Variants in TG observed in about 807,000 individuals in gnomAD.
TG encodes thyroid hormones.
TG carries 270 observed loss-of-function variants against 324.7 expected under a neutral mutation model. The observed-to-expected ratio is 0.83, with a 90% CI of 0.75 to 0.92. The LOEUF is 0.92. Among genes scored for constraint, TG ranks in the 40% least tolerant of loss-of-function variants. TG has a pLI of 0.00. For synonymous variants in TG, 1,401 were observed against 1,327.0 expected (o/e 1.06, Z -1.21); for missense variants, 3,591 against 3,456.4 (o/e 1.04, Z -0.98).
At chr8:132,963,686 T>G (rs145485126) in intron 29 of TG, among the ~76,000 whole-genome samples, 11 of 76,482 alleles carry the variant, frequency 1.4e-4, no homozygotes, top group Non-Finnish European at 2.3e-4. Context: ...TGTGTGTGTG[T>G]GTGTGTGTGT....
chr8:133,060,071 A>C, intron 41 of TG: 3 of 1,559,346 alleles, frequency 1.9e-6, no homozygotes, highest in Non-Finnish European at 1.7e-6. Flanking sequence ...GCACAGACTC[A>C]AGCATCTCAC....
At chr8:133,011,023 A>T (rs1231818425) in intron 35 of TG, among the ~76,000 whole-genome samples, 6 of 152,218 alleles carry the variant, frequency 3.9e-5, no homozygotes, top group Non-Finnish European at 5.9e-5. Context: ...AAGACGTCTT[A>T]GCTGGGGTTT....
In TG at chr8:132,948,766, T is replaced by C. The variant is rs4736614; in HGVS notation, c.5234-10T>C. On this transcript the variant is annotated splice_polypyrimidine_tract_variant and intron_variant, in intron 26 of 47. Transcript: ENST00000220616. ...TCACACTGACCTCTCCTACCTCTTG[T>C]GATTCTCAGGTGCCATCATCTGTGG... The C allele has an allele frequency of 0.092, 147,664 of 1,612,892 alleles. 7,480 individuals are homozygous for C. Among genetic ancestry groups the C allele is most frequent in the South Asian group, 0.14 (12,693 of 91,010 alleles).
chr8:133,056,399 G>A (rs983303979), intron 41 of TG, among the ~76,000 whole-genome samples: 14 of 152,154 alleles, frequency 9.2e-5, no homozygotes, highest in Admixed American at 7.9e-4. Context: ...CCCCTTGCTA[G>A]GGCACTTGAT....
intron 9 of TG, 97 bp from the exon 10 acceptor site, chr8:132,887,887 T>C (rs1815655234): frequency 8.5e-7 from 1 of 1,177,452 alleles, no homozygotes; most frequent in African/African-American, 1.5e-5. Flanking sequence ...CTATATAAGG[T>C]TTTAGACGGA....
chr8:132,954,831 C>T (rs570969047), intron 27 of TG, among the ~76,000 whole-genome samples: 54 of 152,330 alleles, frequency 3.5e-4, no homozygotes, highest in African/African-American at 1.3e-3. Context: ...ACCAGTAGCA[C>T]AGCTTGGGTT....
At chr8:133,133,305 A>G (rs890905388) in intron 46 of TG, 165 bp from the exon 47 acceptor site, 2 of 740,242 alleles carry the variant, frequency 2.7e-6, no homozygotes, top group Admixed American at 2.0e-5. Flanking sequence ...AGTGCAGTCA[A>G]GATCACAACC....
chr8:133,126,745 C>T (rs1021193354), intron 45 of TG, among the ~76,000 whole-genome samples: 3 of 151,670 alleles, frequency 2.0e-5, no homozygotes, highest in African/African-American at 4.8e-5. Flanking sequence ...AAGAGAGGCA[C>T]GCTTATAAGC....
In TG at chr8:132,919,451, C is replaced by A; in HGVS notation, c.4454C>A (p.Ala1485Glu). 1 of 1,614,144 alleles carries A rather than the reference C, an allele frequency of 6.2e-7. No individual in the cohort carries two copies. Among genetic ancestry groups the A allele is most frequent in the Non-Finnish European group, 8.5e-7 (1 of 1,180,000 alleles). Residue 1485 changes from alanine (A) to glutamate (E), a missense_variant, in exon 21 of 48, where the codon GCA (alanine) becomes GAA (glutamate). Physicochemically the swap from Ala to Glu is moderately radical, Grantham distance 107. Transcript: ENST00000220616. ...CCTGTTGGATTCTACCAAGAACAGG[C>A]AGGGAGCTTGGCCTGTGTCCCATGT... Reference protein sequence around the residue: ...PCPVGFYQEQAGSLACVPCPV... With the variant: ...PCPVGFYQEQEGSLACVPCPV...
At chr8:132,963,176 C>G in intron 29 of TG, 102 bp downstream of exon 29, 1 of 1,073,288 alleles carries the variant, frequency 9.3e-7, no homozygotes. Flanking sequence ...TGACATCACT[C>G]TATTCTGTAT....
chr8:133,090,536 G>T (rs1203714993), intron 41 of TG, among the ~76,000 whole-genome samples: 4 of 152,214 alleles, frequency 2.6e-5, no homozygotes, highest in African/African-American at 9.6e-5. Flanking sequence ...GTCAGACAGC[G>T]CAAGGGACTT....
chr8:132,885,532 C>T (rs1175806363), intron 8 of TG, among the ~76,000 whole-genome samples: 1 of 149,328 alleles, frequency 6.7e-6, no homozygotes, highest in African/African-American at 2.6e-5. Context: ...TCAAGGAGAC[C>T]ATAGCTAGCC....
chr8:133,092,250 C>T (rs971879827), intron 41 of TG, among the ~76,000 whole-genome samples: 9 of 152,248 alleles, frequency 5.9e-5, no homozygotes, highest in South Asian at 2.1e-4. Flanking sequence ...GCCCTGACTC[C>T]GAAGCAACTA....
At chr8:133,002,466 G>T in intron 35 of TG, 1 of 942,970 alleles carries the variant, frequency 1.1e-6, no homozygotes, top group South Asian at 4.9e-5. Context: ...AATCTGAATA[G>T]CAAATACATT....
chr8:133,000,068 A>G (rs1027370996), intron 35 of TG, among the ~76,000 whole-genome samples: 8 of 152,236 alleles, frequency 5.3e-5, no homozygotes, highest in African/African-American at 1.9e-4. Context: ...GACAGCAAGG[A>G]TGCCATCATG....
At chr8:132,874,177 AAAAAT>A (rs1272143731) in intron 5 of TG, among the ~76,000 whole-genome samples, 2 of 152,204 alleles carry the variant, frequency 1.3e-5, no homozygotes, top group African/African-American at 4.8e-5. Flanking sequence ...ATCTCAAAAG[AAAAAT>A]AAAATAAAAA....
At chr8:133,119,794 A>C (rs932308941) in intron 45 of TG, among the ~76,000 whole-genome samples, 7 of 152,158 alleles carry the variant, frequency 4.6e-5, no homozygotes, top group Non-Finnish European at 1.0e-4. Flanking sequence ...GCAGTAACCC[A>C]CCCGCGGCTT....
chr8:132,894,570 C>T (rs941499422), intron 11 of TG, among the ~76,000 whole-genome samples: 5 of 152,092 alleles, frequency 3.3e-5, no homozygotes, highest in African/African-American at 4.8e-5. Context: ...GCAATCCTCC[C>T]ACCTCAGCCA....
At chr8:132,913,787 G>C (rs1179974284) in intron 20 of TG, among the ~76,000 whole-genome samples, 1 of 152,138 alleles carries the variant, frequency 6.6e-6, no homozygotes, top group Non-Finnish European at 1.5e-5. Context: ...TGCTACCATA[G>C]TAAATGACCA....
Sources: gnomAD v4.1 joint callset for allele counts (sites outside exome capture counted in the v4.1 genomes callset) on GRCh38, gnomAD v4.1.1 for gene constraint, MANE v1.5 for transcripts, NCBI Gene and HGNC (gene_info 2026-07-23, HGNC 2026-07-21) for gene names.